OR52A5: variants seen among roughly 807,000 people sequenced by gnomAD.
The protein encoded by OR52A5 is olfactory receptor family 52 subfamily A member 5.
Under a neutral mutation model 18.2 loss-of-function variants are expected in OR52A5, and 16 were observed. The ratio of observed to expected loss-of-function variants is 0.88; its 90% confidence interval spans 0.60 to 1.34. The LOEUF (loss-of-function observed/expected upper bound fraction) is 1.34. OR52A5 is among the 40% of genes most tolerant of loss of function. The pLI is 0.00. For missense variants in OR52A5, 418 were observed against 383.0 expected (o/e 1.09, Z -0.76); for synonymous variants, 140 against 137.2 (o/e 1.02, Z -0.14).
rs1846320078 is a variant in OR52A5, at chr11:5,129,978, A to G, written c.*1714T>C. 6.6e-6 allele frequency: 1 copy of G among 152,064 alleles called. No individual in the cohort carries two copies. The highest frequency in any genetic ancestry group is 1.9e-4 in the East Asian group (1 of 5,192). 9.4% of individuals were successfully genotyped at this position (152,064 alleles called of 1,614,324 possible). A position where few individuals can be genotyped will look rare whatever the true frequency, so the allele number is the denominator to read the frequency against. On this transcript the variant is annotated 3_prime_UTR_variant, in exon 2 of 2. Coordinates refer to ENST00000307388, the MANE Select transcript of OR52A5 (RefSeq NM_001005160.3). ...TTTAAATGGCTTGAAATGCCAACCC[A>G]CAGTCTAATTATGACACAAATTTTT...
chr11:5,131,802 T>G lies in OR52A5; in HGVS notation c.841A>C (p.Asn281His). ...IPPYIHILLSNLYLLVPPFLN... is the reference protein window; with the variant it reads ...IPPYIHILLSHLYLLVPPFLN... The stretch of plus-strand genomic sequence containing the variant: ...AAAGGTGGGACTAACAGGTAAAGAT[T>G]TGACAAGAGGATATGAATATATGGT... The change falls in exon 2 of 2, where the codon AAT becomes CAT. Residue 281 changes from asparagine (N) to histidine (H), a missense_variant. Coordinates refer to ENST00000307388, the MANE Select transcript of OR52A5 (RefSeq NM_001005160.3). 6.2e-7 allele frequency: 1 copy of G among 1,613,968 alleles called. No homozygotes were observed. Among genetic ancestry groups the G allele is most frequent in the East Asian group, 2.2e-5 (1 of 44,868 alleles).
intron 1 of OR52A5, among the ~76,000 whole-genome samples, chr11:5,133,197 A>G (rs1846359141): frequency 6.6e-6 from 1 of 151,656 alleles, no homozygotes; most frequent in South Asian, 2.1e-4. Flanking sequence ...GTGAAACCCC[A>G]TCTCTACTAA....
At chr11:5,134,426 A>ATC (rs1846372834) in intron 1 of OR52A5, among the ~76,000 whole-genome samples, 1 of 152,190 alleles carries the variant, frequency 6.6e-6, no homozygotes, top group East Asian at 1.9e-4. Flanking sequence ...TTACAGAAGC[A>ATC]TCTCTTTCTT....
chr11:5,133,437 GTTTGACTGAAATGTTCT>G (rs1164084200), intron 1 of OR52A5, among the ~76,000 whole-genome samples: 2 of 145,376 alleles, frequency 1.4e-5, no homozygotes, highest in Non-Finnish European at 3.0e-5. Flanking sequence ...CAGAAGACAA[GTTTGACTGAAATGTTCT>G]TTAGTTTTGA....
At chr11:5,134,953 T>G (rs910896080) in intron 1 of OR52A5, among the ~76,000 whole-genome samples, 1 of 152,160 alleles carries the variant, frequency 6.6e-6, no homozygotes, top group African/African-American at 2.4e-5. Context: ...CACTGCAAGC[T>G]CCGCCTCCCG....
rs771107155 is a variant in OR52A5, at chr11:5,132,182, GC to G, written c.460del (p.Ala154LeufsTer5). 1 of 1,613,982 alleles carries G rather than the reference GC, an allele frequency of 6.2e-7. No individual in the cohort carries two copies. Among genetic ancestry groups the G allele is most frequent in the African/African-American group, 1.3e-5 (1 of 74,908 alleles). Reference protein sequence around the residue: ...THIGLGVTLRAAILIIPSLGL... With the variant: ...THIGLGVTLRXAILIIPSLGL... ...TAAGGAAGGTATTATAAGAATGGCA[GC>G]CCTGAGTGTCACCCCAAGTCCAATA... On this transcript the variant is annotated frameshift_variant, in exon 2 of 2. Transcript: ENST00000307388. LOFTEE classifies it high-confidence loss of function.
Position 5,131,459 on chromosome 11 carries a change from GAT to G in OR52A5, c.*231_*232del. On this transcript the variant is annotated 3_prime_UTR_variant, in exon 2 of 2. Transcript: ENST00000307388. ...TTATGTTGTAGATATCGGTATTACT[GAT>G]TTCATATTATTTTTATATTGATAAG... 21 of 297,994 alleles carry G rather than the reference GAT, an allele frequency of 7.0e-5. No individual in the cohort carries two copies. Among genetic ancestry groups the G allele is most frequent in the South Asian group, 3.0e-4 (5 of 16,654 alleles). The allele number at this position is 297,994 out of a possible 1,614,324, so 18.5% of individuals were successfully genotyped here. A position where few individuals can be genotyped will look rare whatever the true frequency, so the allele number is the denominator to read the frequency against.
chr11:5,132,287 G>T lies in OR52A5; in HGVS notation c.356C>A (p.Ala119Glu). Reference sequence around the variant, plus strand: ...GGCCACATAGCGATCCAGGGCCATTGCCAGAAGGATACCCGATTCAATTGC... The same window carrying T: ...GGCCACATAGCGATCCAGGGCCATTTCCAGAAGGATACCCGATTCAATTGC... Reference protein sequence around the residue: ...FQAIESGILLAMALDRYVAIC... With the variant: ...FQAIESGILLEMALDRYVAIC... Residue 119 changes from alanine (A) to glutamate (E), a missense_variant, in exon 2 of 2, where the codon GCA becomes GAA. Ala to Glu is a moderately radical substitution (Grantham distance 107). Coordinates refer to ENST00000307388, the MANE Select transcript of OR52A5 (RefSeq NM_001005160.3). The T allele has an allele frequency of 1.2e-6, 2 of 1,614,188 alleles. No homozygotes were observed. Among genetic ancestry groups the T allele is most frequent in the South Asian group, 2.2e-5 (2 of 91,078 alleles).
At chr11:5,135,146 T>C (rs1300675834) in intron 1 of OR52A5, among the ~76,000 whole-genome samples, 1 of 152,172 alleles carries the variant, frequency 6.6e-6, no homozygotes, top group African/African-American at 2.4e-5. Flanking sequence ...AGTGCTGGGA[T>C]TACAGGCGGG....
At chr11:5,135,709 T>A (rs1369378739) in intron 1 of OR52A5, among the ~76,000 whole-genome samples, 1 of 152,220 alleles carries the variant, frequency 6.6e-6, no homozygotes, top group Non-Finnish European at 1.5e-5. Context: ...TATTCCTTTC[T>A]AATTGCCAGT....
Position 5,132,296 on chromosome 11 carries a change from A to C in OR52A5, c.347T>G (p.Ile116Ser). 1 of 1,614,214 alleles carries C rather than the reference A, an allele frequency of 6.2e-7. No homozygotes were observed. Among genetic ancestry groups the C allele is most frequent in the Non-Finnish European group, 8.5e-7 (1 of 1,180,040 alleles). The part of the protein sequence containing the change: ...IHSFQAIESG[I>S]LLAMALDRYV... Reference sequence around the variant, plus strand: ...GCGATCCAGGGCCATTGCCAGAAGGATACCCGATTCAATTGCCTGGAATGA... The same window carrying C: ...GCGATCCAGGGCCATTGCCAGAAGGCTACCCGATTCAATTGCCTGGAATGA... Residue 116 changes from isoleucine to serine, a missense_variant, in exon 2 of 2, where the codon ATC becomes AGC. Ile to Ser is a moderately radical substitution (Grantham distance 142). Transcript: ENST00000307388.
Position 5,132,179 on chromosome 11 carries a change from G to T in OR52A5, c.464C>A (p.Ala155Asp). ...CCCTAAGGAAGGTATTATAAGAATG[G>T]CAGCCCTGAGTGTCACCCCAAGTCC... is the stretch of plus-strand genomic sequence containing the variant. ...HIGLGVTLRA[A>D]ILIIPSLGLI... Residue 155 changes from alanine to aspartate, a missense_variant, in exon 2 of 2, where the codon GCC becomes GAC. Transcript: ENST00000307388. The T allele has an allele frequency of 6.2e-7, 1 of 1,614,074 alleles. No individual in the cohort carries two copies. Among genetic ancestry groups the T allele is most frequent in the Non-Finnish European group, 8.5e-7 (1 of 1,179,994 alleles).
rs1846309357 is a variant in OR52A5, at chr11:5,128,781, C to A, written c.*2911G>T. ...ATCCAGACAGAAAAATCCATTGAAA[C>A]AGAAAAGAGATTAGCAGTTGCTAAG... On this transcript the variant is annotated 3_prime_UTR_variant, in exon 2 of 2. Transcript: ENST00000307388. 6.6e-6 allele frequency: 1 copy of A among 151,576 alleles called. No homozygotes were observed. Among genetic ancestry groups the A allele is most frequent in the Admixed American group, 6.6e-5 (1 of 15,186 alleles). 9.4% of individuals were successfully genotyped at this position (151,576 alleles called of 1,614,324 possible). A position where few individuals can be genotyped will look rare whatever the true frequency, so the allele number is the denominator to read the frequency against.
At chr11:5,134,545 A>C (rs1846373742) in intron 1 of OR52A5, among the ~76,000 whole-genome samples, 1 of 152,184 alleles carries the variant, frequency 6.6e-6, no homozygotes, top group Non-Finnish European at 1.5e-5. Context: ...TGTTTGAAGC[A>C]ATTGAGAAAC....
rs754800697 is a variant in OR52A5, at chr11:5,129,766, A to G, written c.*1926T>C. The G allele has an allele frequency of 4.6e-5, 7 of 152,140 alleles. No homozygotes were observed. Among genetic ancestry groups the G allele is most frequent in the Non-Finnish European group, 7.3e-5 (5 of 68,028 alleles). The allele number at this position is 152,140 out of a possible 1,614,324, so 9.4% of individuals were successfully genotyped here. On this transcript the variant is annotated 3_prime_UTR_variant, in exon 2 of 2. Coordinates refer to ENST00000307388, the MANE Select transcript of OR52A5 (RefSeq NM_001005160.3). ...CTGTAAAGAAGACCAAAAAGCAACC[A>G]AGAAGTCAAACAGATCTGTGTGCTG...
intron 1 of OR52A5, among the ~76,000 whole-genome samples, chr11:5,137,366 T>G (rs1846401100): frequency 6.6e-6 from 1 of 152,182 alleles, no homozygotes; most frequent in African/African-American, 2.4e-5. Flanking sequence ...AACTACTAAG[T>G]GATTTAGGAG....
rs979973296 is a variant in OR52A5, at chr11:5,131,229, C to T, written c.*463G>A. 1.3e-5 allele frequency: 2 copies of T among 153,190 alleles called. No homozygotes were observed. The highest frequency in any genetic ancestry group is 1.3e-4 in the Admixed American group (2 of 15,446). The allele number at this position is 153,190 out of a possible 1,614,324, so 9.5% of individuals were successfully genotyped here. On this transcript the variant is annotated 3_prime_UTR_variant, in exon 2 of 2. Transcript: ENST00000307388. ...ATGTTCAATTTTAGAACTTAAACTT[C>T]CAAATTTGAGTAAAACTCAAGTTAG... is the stretch of plus-strand genomic sequence containing the variant.
rs1199661693 is a variant in OR52A5, at chr11:5,131,983, G to A, written c.660C>T (p.Ser220=). 1 of 1,614,170 alleles carries A rather than the reference G, an allele frequency of 6.2e-7. No homozygotes were observed. The highest frequency in any genetic ancestry group is 8.5e-7 in the Non-Finnish European group (1 of 1,180,038). ...LGFDIIFITL[S]YVQIFITVFQ... is the part of the protein sequence containing the mutation. ...AGACAGTGATAAAAATTTGGACATAGGACAAGGTTATAAATATTATGTCAA... is the reference window on the plus strand; with the variant it reads ...AGACAGTGATAAAAATTTGGACATAAGACAAGGTTATAAATATTATGTCAA... Residue 220 remains serine, a synonymous_variant, in exon 2 of 2, where the codon TCC becomes TCT. Transcript: ENST00000307388.
chr11:5,137,826 G>A (rs1846406248), intron 1 of OR52A5, among the ~76,000 whole-genome samples: 1 of 152,168 alleles, frequency 6.6e-6, no homozygotes, highest in Non-Finnish European at 1.5e-5. Flanking sequence ...CAGAGTGATT[G>A]TAAAAATTAA....
Sources: allele counts gnomAD v4.1 joint callset (sites outside exome capture counted in the v4.1 genomes callset), GRCh38; gene constraint gnomAD v4.1.1; transcripts MANE v1.5; gene names NCBI Gene and HGNC (gene_info 2026-07-23, HGNC 2026-07-21).